ADIPOR1: variants seen among roughly 807,000 people sequenced by gnomAD.
The protein encoded by ADIPOR1 is adiponectin receptor 1, also known as adiponectin receptor protein 1.
Under a neutral mutation model 37.5 loss-of-function variants are expected in ADIPOR1, and 15 were observed. The observed-to-expected ratio is 0.40, with a 90% CI of 0.27 to 0.62. The LOEUF (loss-of-function observed/expected upper bound fraction) is 0.62. Ranked by LOEUF, ADIPOR1 falls within the 20% of genes least tolerant of loss-of-function variation. The probability of loss-of-function intolerance (pLI) is 0.42; values close to 1 mark genes in which losing one functional copy is unlikely to be tolerated. For missense variants in ADIPOR1, 286 were observed against 478.0 expected, an observed-to-expected ratio of 0.60 and a Z score of 3.75; for synonymous variants, 173 against 173.2, an observed-to-expected ratio of 1.00 and a Z score of 0.01.
chr1:202,948,354 G>T lies in ADIPOR1; in HGVS notation c.208C>A (p.Pro70Thr), dbSNP rs574996973. ...EEEEVRVLTL[P>T]LQAHHAMEKM... is the part of the protein sequence containing the mutation. The stretch of plus-strand genomic sequence containing the variant: ...TCCATGGCGTGGTGGGCTTGCAGGG[G>T]AAGTGTCAGTACCCGCACCTCCTCC... The change falls in exon 3 of 8, where the codon CCC becomes ACC. Residue 70 changes from proline to threonine, a missense_variant. Pro to Thr is a conservative substitution (Grantham distance 38). Coordinates refer to ENST00000340990, the MANE Select transcript of ADIPOR1 (RefSeq NM_015999.6). 6.2e-7 allele frequency: 1 copy of T among 1,613,992 alleles called. No homozygotes were observed. Among genetic ancestry groups the T allele is most frequent in the Non-Finnish European group, 8.5e-7 (1 of 1,179,948 alleles).
intron 1 of ADIPOR1, among the ~76,000 whole-genome samples, chr1:202,957,750 T>C (rs1654838831): frequency 6.6e-6 from 1 of 152,166 alleles, no homozygotes; most frequent in South Asian, 2.1e-4. Context: ...GGCAACCCAA[T>C]GCGGCTGTTC....
In ADIPOR1 at chr1:202,958,255, G is replaced by C. The variant is rs529439592; in HGVS notation, c.-165C>G. ...CATCCCGCGGCGCTGGAGGCGGCCTGCGGCCGAGCGGCCCCGATCTTCAGC... is the reference window on the plus strand; with the variant it reads ...CATCCCGCGGCGCTGGAGGCGGCCTCCGGCCGAGCGGCCCCGATCTTCAGC... On this transcript the variant is annotated 5_prime_UTR_variant, in exon 1 of 8. Coordinates refer to ENST00000340990, the MANE Select transcript of ADIPOR1 (RefSeq NM_015999.6). 1 of 151,938 alleles carries C rather than the reference G, an allele frequency of 6.6e-6. No individual in the cohort carries two copies. The highest frequency in any genetic ancestry group is 2.4e-5 in the African/African-American group (1 of 41,330). 9.4% of individuals were successfully genotyped at this position (151,938 alleles called of 1,614,324 possible). A position where few individuals can be genotyped will look rare whatever the true frequency, so the allele number is the denominator to read the frequency against.
At chr1:202,947,879 C>T (rs1045193374) in intron 3 of ADIPOR1, among the ~76,000 whole-genome samples, 5 of 152,114 alleles carry the variant, frequency 3.3e-5, no homozygotes, top group Admixed American at 6.6e-5. Flanking sequence ...GGCTTTGTCA[C>T]CAATAGAAAT....
rs57643319 is a variant in ADIPOR1, at chr1:202,949,579, CAA to C, written c.142-1161_142-1160del. Among the ~76,000 whole-genome samples the C allele has an allele frequency of 1.5e-4, 15 of 99,112 alleles. No individual in the cohort carries two copies. The East Asian group carries it at 2.2e-3, about 14-fold the overall frequency. 65.0% of individuals were successfully genotyped at this position (99,112 alleles called of 152,430 possible). On this transcript the variant is annotated intron_variant, in intron 2 of 7. Transcript: ENST00000340990. The stretch of plus-strand genomic sequence containing the variant: ...CAGGGCGACAGCGAGACTCTGTCTC[CAA>C]AAAAAAAAAAAAAAAACACACCCAG...
At chr1:202,945,307 T>G in intron 4 of ADIPOR1, 138 bp from the exon 5 acceptor site, 1 of 832,638 alleles carries the variant, frequency 1.2e-6, no homozygotes, top group Non-Finnish European at 1.8e-6. Context: ...CACAATGAAA[T>G]ACCACCTTAC....
intron 3 of ADIPOR1, among the ~76,000 whole-genome samples, chr1:202,948,027 A>G (rs1654402614): frequency 6.6e-6 from 1 of 152,242 alleles, no homozygotes; most frequent in Admixed American, 6.5e-5. Flanking sequence ...AAAGGCATTC[A>G]TATTACTGTC....
chr1:202,949,588 A>G (rs1460398617), intron 2 of ADIPOR1, among the ~76,000 whole-genome samples: 1 of 150,130 alleles, frequency 6.7e-6, no homozygotes, highest in African/African-American at 2.4e-5. Context: ...CCAAAAAAAA[A>G]AAAAAAAAAC....
intron 7 of ADIPOR1, 50 bp from the exon 8 acceptor site, chr1:202,941,751 A>C (rs1654097587): frequency 6.4e-7 from 1 of 1,571,162 alleles, no homozygotes; most frequent in East Asian, 2.2e-5. Flanking sequence ...AGGAGGAATA[A>C]GAAACAAGTA....
intron 1 of ADIPOR1, among the ~76,000 whole-genome samples, chr1:202,951,643 G>T (rs1021822753): frequency 3.3e-5 from 5 of 152,134 alleles, no homozygotes; most frequent in African/African-American, 1.2e-4. Context: ...ACTGAACTCA[G>T]TTAGACCTTA....
chr1:202,954,503 T>C (rs1654703355), intron 1 of ADIPOR1, among the ~76,000 whole-genome samples: 1 of 152,248 alleles, frequency 6.6e-6, no homozygotes, highest in Non-Finnish European at 1.5e-5. Context: ...CGATCCTAGG[T>C]GAGCCAACCT....
chr1:202,951,114 G>A lies in ADIPOR1; in HGVS notation c.-44C>T. 2 of 1,611,508 alleles carry A rather than the reference G, an allele frequency of 1.2e-6. No individual in the cohort carries two copies. The highest frequency in any genetic ancestry group is 1.7e-6 in the Non-Finnish European group (2 of 1,177,994). ...CCCTGCAGCTTCAGCTTGGGGAAAG[G>A]TTGGGGTCTCTCAGCCCCAGGGGGC... is the stretch of plus-strand genomic sequence containing the variant. On this transcript the variant is annotated 5_prime_UTR_variant, in exon 2 of 8. Transcript: ENST00000340990.
chr1:202,954,604 C>A (rs1259203076), intron 1 of ADIPOR1, among the ~76,000 whole-genome samples: 3 of 152,180 alleles, frequency 2.0e-5, no homozygotes, highest in African/African-American at 7.2e-5. Context: ...ATATTTGAGC[C>A]AAACTCGACT....
intron 2 of ADIPOR1, among the ~76,000 whole-genome samples, chr1:202,949,347 G>A (rs1485163924): frequency 2.6e-5 from 4 of 151,446 alleles, no homozygotes; most frequent in African/African-American, 4.8e-5. Context: ...TTGGGAGGCC[G>A]AGGCGGGCGG....
At chr1:202,958,472 C>T (rs1356898695), upstream of ADIPOR1, 1 of 153,434 alleles carries the variant, frequency 6.5e-6, no homozygotes, top group African/African-American at 2.4e-5. Flanking sequence ...GCCGCCTGCC[C>T]ACCTCCCCGC....
chr1:202,950,350 G>A (rs954961201), intron 2 of ADIPOR1, among the ~76,000 whole-genome samples: 11 of 151,996 alleles, frequency 7.2e-5, no homozygotes, highest in Admixed American at 3.9e-4. Flanking sequence ...GAGGCAGGAG[G>A]ATCACTTGAG....
chr1:202,944,175 A>G (rs1342437183), intron 5 of ADIPOR1: 6 of 445,730 alleles, frequency 1.3e-5, no homozygotes, highest in Non-Finnish European at 2.4e-5. Context: ...AAAGAACTCT[A>G]TCCCTTTCCC....
intron 1 of ADIPOR1, among the ~76,000 whole-genome samples, chr1:202,952,567 C>T (rs1280991764): frequency 6.6e-6 from 1 of 152,212 alleles, no homozygotes; most frequent in Admixed American, 6.5e-5. Context: ...CCCTCCTTCC[C>T]TCCTGGAGCT....
intron 3 of ADIPOR1, 139 bp from the exon 4 acceptor site, chr1:202,946,749 T>A: frequency 1.3e-6 from 1 of 764,206 alleles, no homozygotes; most frequent in Non-Finnish European, 2.1e-6. Context: ...CAGCCTGGAC[T>A]GGGGGATATC....
At chr1:202,943,695 G>A in intron 6 of ADIPOR1, 63 bp downstream of exon 6, 6 of 1,536,074 alleles carry the variant, frequency 3.9e-6, no homozygotes, top group Non-Finnish European at 5.3e-6. Flanking sequence ...GCTCAAATAG[G>A]TTTGAGCCTA....
Sources: allele counts gnomAD v4.1 joint callset (sites outside exome capture counted in the v4.1 genomes callset), GRCh38; gene constraint gnomAD v4.1.1; transcripts MANE v1.5; gene names NCBI Gene and HGNC (gene_info 2026-07-23, HGNC 2026-07-21).